The following SLCO3A1 variants were observed in gnomAD, a reference collection of about 807,000 sequenced individuals.
The protein encoded by SLCO3A1 is solute carrier organic anion transporter family member 3A1.
In SLCO3A1, 27 loss-of-function variants were observed where a neutral mutation model predicts 63.1. The ratio of observed to expected loss-of-function variants is 0.43; its 90% CI spans 0.32 to 0.59. The LOEUF is 0.59. SLCO3A1 is among the 20% of genes least tolerant of loss of function. The probability of loss-of-function intolerance (pLI) is 0.09; values close to 1 mark genes in which losing one functional copy is unlikely to be tolerated. For missense variants in SLCO3A1, 773 were observed against 945.8 expected (o/e 0.82, Z 2.40); for synonymous variants, 473 against 409.9 (o/e 1.15, Z -1.86).
At chr15:92,062,182 A>G (rs951234477) in intron 2 of SLCO3A1, among the ~76,000 whole-genome samples, 2 of 152,200 alleles carry the variant, frequency 1.3e-5, no homozygotes, top group Non-Finnish European at 2.9e-5. Flanking sequence ...CAGCAAACAC[A>G]CACACACTAT....
chr15:92,121,618 A>C (rs1208311052), intron 5 of SLCO3A1, among the ~76,000 whole-genome samples: 1 of 152,192 alleles, frequency 6.6e-6, no homozygotes, highest in East Asian at 1.9e-4. Flanking sequence ...GTGGAGGTTC[A>C]GTTGCCTCAG....
intron 2 of SLCO3A1, among the ~76,000 whole-genome samples, chr15:91,971,120 GC>G (rs1900843743): frequency 6.6e-6 from 1 of 152,076 alleles, no homozygotes. Flanking sequence ...CCTTGGCCGG[GC>G]GCGGTGGCTC....
intron 1 of SLCO3A1, 121 bp from the exon 2 acceptor site, chr15:91,915,872 C>A: frequency 1.3e-6 from 1 of 778,904 alleles, no homozygotes; most frequent in Admixed American, 2.3e-5. Flanking sequence ...TTGCACCTGG[C>A]ACCGGAGGCC....
intron 2 of SLCO3A1, among the ~76,000 whole-genome samples, chr15:92,005,319 T>G (rs757273038): frequency 5.3e-5 from 8 of 152,234 alleles, no homozygotes; most frequent in Non-Finnish European, 8.8e-5. Context: ...AGCCAGGCAG[T>G]CACAGCCTGC....
Position 91,854,695 on chromosome 15 carries a change from C to T in SLCO3A1, c.180+607C>T, listed in dbSNP as rs962193014. ...CGGTATCCCTATAGCCCTCTTTGAG[C>T]GTCTGGGATAAAGTTACGGTACCTA... On this transcript the variant is annotated intron_variant, in intron 1 of 9. Coordinates refer to ENST00000318445, the MANE Select transcript of SLCO3A1 (RefSeq NM_013272.4). The surrounding 1 kb of genome is among the most constrained non-coding windows in gnomAD (Gnocchi z 6.4). Among the ~76,000 whole-genome samples, 11 of 152,246 alleles carry T rather than the reference C, an allele frequency of 7.2e-5. 1 individual carries two copies. The highest frequency in any genetic ancestry group is 2.2e-4 in the African/African-American group (9 of 41,532).
chr15:92,026,974 C>T (rs2046581731), intron 2 of SLCO3A1, among the ~76,000 whole-genome samples: 1 of 151,962 alleles, frequency 6.6e-6, no homozygotes, highest in Non-Finnish European at 1.5e-5. Flanking sequence ...CCTGTAATCC[C>T]AGCTACTTGG....
intron 2 of SLCO3A1, among the ~76,000 whole-genome samples, chr15:91,933,979 G>C (rs1044695591): frequency 1.3e-5 from 2 of 152,094 alleles, no homozygotes; most frequent in Non-Finnish European, 2.9e-5. Context: ...TTTTCTGATG[G>C]TACTGGCTTT....
At chr15:91,961,022 T>C (rs1356298219) in intron 2 of SLCO3A1, among the ~76,000 whole-genome samples, 1 of 152,194 alleles carries the variant, frequency 6.6e-6, no homozygotes, top group Non-Finnish European at 1.5e-5. Context: ...GGCTTTATTT[T>C]ACTCCGCTCT....
rs1226414780 is a variant in SLCO3A1 at position 91,860,526 on chromosome 15, G to A, written c.180+6438G>A. 6.6e-6 allele frequency among the ~76,000 whole-genome samples: 1 copy of A among 152,194 alleles called. No homozygotes were observed. ...TTAGCACCAACAAAAGTCCCTCCCA[G>A]GGAGCTGAGGATTTGGAATATTGTG... On this transcript the variant is annotated intron_variant, in intron 1 of 9. Coordinates refer to ENST00000318445, the MANE Select transcript of SLCO3A1 (RefSeq NM_013272.4). This position sits in a 1 kb window ranked among gnomAD's most constrained non-coding sequence, Gnocchi z 5.5.
chr15:91,939,712 C>T (rs1042457831), intron 2 of SLCO3A1, among the ~76,000 whole-genome samples: 1 of 152,148 alleles, frequency 6.6e-6, no homozygotes, highest in African/African-American at 2.4e-5. Context: ...TGGACTCTTT[C>T]CCGTCAGTCT....
At chr15:91,986,911 C>T (rs1011575646) in intron 2 of SLCO3A1, among the ~76,000 whole-genome samples, 9 of 152,104 alleles carry the variant, frequency 5.9e-5, no homozygotes, top group African/African-American at 2.2e-4. Context: ...CCATTTGTAC[C>T]TTTGCCCATA....
intron 2 of SLCO3A1, among the ~76,000 whole-genome samples, chr15:92,080,942 G>GTGTA (rs58679781): frequency 0.055 from 4,877 of 88,974 alleles, 289 homozygotes; most frequent in African/African-American, 0.17. Context: ...TAGTAGCTGT[G>GTGTA]TGTGTGTGTG....
exon 11 of SLCO3A1, chr15:92,171,892 G>C: frequency 6.6e-7 from 1 of 1,518,002 alleles, no homozygotes. Flanking sequence ...TTCCTGGAGA[G>C]AACAGCCCAC....
intron 1 of SLCO3A1, among the ~76,000 whole-genome samples, chr15:91,890,533 C>T (rs952427374): frequency 3.3e-5 from 5 of 152,194 alleles, no homozygotes; most frequent in Non-Finnish European, 7.3e-5. Flanking sequence ...CTGATTCTTA[C>T]TGTGCATTTC....
intron 2 of SLCO3A1, among the ~76,000 whole-genome samples, chr15:91,965,766 G>A (rs1055519437): frequency 7.9e-5 from 12 of 151,250 alleles, no homozygotes; most frequent in Non-Finnish European, 1.2e-4. Context: ...AGGGAAATTC[G>A]TAGGAGTGAG....
At chr15:92,073,081 G>C (rs2047236054) in intron 2 of SLCO3A1, among the ~76,000 whole-genome samples, 1 of 152,074 alleles carries the variant, frequency 6.6e-6, no homozygotes. Flanking sequence ...CATGCACCAA[G>C]GATCCAAATT....
At chr15:91,908,216 C>G (rs1275377879) in intron 1 of SLCO3A1, among the ~76,000 whole-genome samples, 2 of 147,512 alleles carry the variant, frequency 1.4e-5, no homozygotes, top group Non-Finnish European at 3.0e-5. Context: ...ACCCCCACAA[C>G]TTGCCCCCTA....
chr15:91,860,480 G>T lies in SLCO3A1; in HGVS notation c.180+6392G>T, dbSNP rs1348888592. 3.3e-5 allele frequency among the ~76,000 whole-genome samples: 5 copies of T among 152,180 alleles called. No homozygotes were observed. Among genetic ancestry groups the T allele is most frequent in the Non-Finnish European group, 7.3e-5 (5 of 68,032 alleles). On this transcript the variant is annotated intron_variant, in intron 1 of 9. Coordinates refer to ENST00000318445, the MANE Select transcript of SLCO3A1 (RefSeq NM_013272.4). The surrounding 1 kb of genome is among the most constrained non-coding windows in gnomAD (Gnocchi z 5.5). ...TTCCACAGTTGCTTTAACAGTAATG[G>T]TATAACCCTGCTCGTTGACATTAGC...
intron 7 of SLCO3A1, among the ~76,000 whole-genome samples, chr15:92,142,949 T>C (rs1040415217): frequency 1.3e-5 from 2 of 152,066 alleles, no homozygotes; most frequent in African/African-American, 2.4e-5. Context: ...GCAGATGACT[T>C]GTTAAACCAA....
Sources: allele counts gnomAD v4.1 joint callset (sites outside exome capture counted in the v4.1 genomes callset), GRCh38; gene constraint gnomAD v4.1.1; non-coding constraint Gnocchi (gnomAD v3.1); transcripts MANE v1.5; gene names NCBI Gene and HGNC (gene_info 2026-07-23, HGNC 2026-07-21).